TCF12: variants seen among roughly 807,000 people sequenced by gnomAD.
The protein encoded by TCF12 is DNA-binding protein HTF4.
TCF12 carries 45 observed loss-of-function variants against 86.0 expected under a neutral mutation model. The observed-to-expected ratio is 0.52, with a 90% CI of 0.41 to 0.67. The LOEUF is 0.67. Among genes scored for constraint, TCF12 ranks in the 30% least tolerant of loss-of-function variants. The probability of loss-of-function intolerance (pLI) is 0.00; values close to 1 mark genes in which losing one functional copy is unlikely to be tolerated. For synonymous variants in TCF12, 330 were observed against 299.6 expected, an observed-to-expected ratio of 1.10 and a Z score of -1.05; for missense variants, 881 against 859.9, an observed-to-expected ratio of 1.02 and a Z score of -0.31.
chr15:57,135,037 T>C (rs548708040), intron 5 of TCF12, among the ~76,000 whole-genome samples: 1 of 152,308 alleles, frequency 6.6e-6, no homozygotes, highest in South Asian at 2.1e-4. Flanking sequence ...GTGCTGATTA[T>C]AACAAGTTTA....
In TCF12 at chr15:57,282,498, G is replaced by A; in HGVS notation, c.2032G>A (p.Val678Ile). Reference protein sequence around the residue: ...ACLKRREEEKVSAVSAEPPTT... With the variant: ...ACLKRREEEKISAVSAEPPTT... ...CCTTAAGAGAAGGGAAGAAGAAAAA[G>A]TTTCTGCCGTATCGGCAGAGCCGCC... Residue 678 changes from valine (V) to isoleucine (I), a missense_variant, in exon 20 of 21, where the codon GTT becomes ATT. Coordinates refer to ENST00000333725, the MANE Select transcript of TCF12 (RefSeq NM_207037.2). The A allele has an allele frequency of 1.2e-6, 2 of 1,614,206 alleles. No homozygotes were observed. Among genetic ancestry groups the A allele is most frequent in the Non-Finnish European group, 1.7e-6 (2 of 1,180,034 alleles).
At chr15:57,040,433 C>G (rs1195633448) in intron 3 of TCF12, among the ~76,000 whole-genome samples, 3 of 152,206 alleles carry the variant, frequency 2.0e-5, no homozygotes, top group African/African-American at 7.2e-5. Context: ...CATAACCTGA[C>G]TGAAATGTCA....
At chr15:57,166,531 A>G in intron 6 of TCF12, 65 bp downstream of exon 6, 1 of 1,335,124 alleles carries the variant, frequency 7.5e-7, no homozygotes, top group South Asian at 1.3e-5. Flanking sequence ...GGCTCTATTA[A>G]TAGATGAGAT....
intron 3 of TCF12, among the ~76,000 whole-genome samples, chr15:57,062,097 C>T (rs1298546491): frequency 3.9e-5 from 6 of 152,074 alleles, no homozygotes; most frequent in South Asian, 2.1e-4. Context: ...GCTGGGACTA[C>T]AGGCGCCCGC....
chr15:57,234,220 C>A, intron 12 of TCF12, 113 bp downstream of exon 12: 1 of 812,346 alleles, frequency 1.2e-6, no homozygotes. Flanking sequence ...AGATCAATTT[C>A]ATTACACATT....
chr15:57,061,867 C>T (rs1444347001), intron 3 of TCF12, among the ~76,000 whole-genome samples: 1 of 152,074 alleles, frequency 6.6e-6, no homozygotes, highest in East Asian at 1.9e-4. Flanking sequence ...CAGAGGAATA[C>T]TTGCTGCTAT....
At chr15:57,278,943 T>TTCC (rs1491145409) in intron 19 of TCF12, among the ~76,000 whole-genome samples, 2,501 of 15,096 alleles carry the variant, frequency 0.17, 80 homozygotes, top group African/African-American at 0.28. Flanking sequence ...CCTTCCTTCC[T>TTCC]TTTTTTTTTT....
chr15:57,159,357 A>G lies in TCF12; in HGVS notation c.326-7045A>G, dbSNP rs539759667. Among the ~76,000 whole-genome samples, 33 of 152,284 alleles carry G rather than the reference A, an allele frequency of 2.2e-4. No homozygotes were observed. The South Asian group carries it at 6.6e-3, about 31-fold the overall frequency. On this transcript the variant is annotated intron_variant, in intron 5 of 20. Transcript: ENST00000333725. ...AAGTTAGCATTTTGTGTTTCTCCAG[A>G]TGGTTAGTATGATTCAAATTGTATG...
chr15:57,050,106 C>G (rs1370288109), intron 3 of TCF12, among the ~76,000 whole-genome samples: 1 of 152,140 alleles, frequency 6.6e-6, no homozygotes, highest in East Asian at 1.9e-4. Flanking sequence ...AAGTATTATT[C>G]TGTATACCTC....
At chr15:57,100,608 A>G (rs1046997523) in intron 5 of TCF12, among the ~76,000 whole-genome samples, 7 of 152,066 alleles carry the variant, frequency 4.6e-5, no homozygotes, top group African/African-American at 1.4e-4. Context: ...TCATTTAATA[A>G]AGGCTTTCAG....
chr15:57,229,026 C>T (rs765092362), intron 8 of TCF12, among the ~76,000 whole-genome samples: 20 of 151,818 alleles, frequency 1.3e-4, no homozygotes, highest in Non-Finnish European at 2.8e-4. Flanking sequence ...AGCATGTGTT[C>T]GGGTGCTGTC....
At chr15:57,201,109 A>C (rs572487094) in intron 8 of TCF12, among the ~76,000 whole-genome samples, 2 of 152,210 alleles carry the variant, frequency 1.3e-5, no homozygotes, top group African/African-American at 4.8e-5. Flanking sequence ...AAAGCACATG[A>C]GATTCTCCAC....
Position 57,026,556 on chromosome 15 carries a change from T to C in TCF12, c.149-37194T>C, listed in dbSNP as rs548302115. Among the ~76,000 whole-genome samples, 3 of 152,342 alleles carry C rather than the reference T, an allele frequency of 2.0e-5. No individual in the cohort carries two copies. In the East Asian group the frequency reaches 5.8e-4, roughly 29 times the overall value. ...AAATTTTCTGATTTAGTCGTTAATA[T>C]TTACAGTTTAAGGGAAAAACATTCA... On this transcript the variant is annotated intron_variant, in intron 3 of 20. Coordinates refer to ENST00000333725, the MANE Select transcript of TCF12 (RefSeq NM_207037.2).
intron 3 of TCF12, among the ~76,000 whole-genome samples, chr15:56,936,506 T>C (rs1313233973): frequency 1.3e-5 from 2 of 152,148 alleles, no homozygotes; most frequent in Non-Finnish European, 2.9e-5. Flanking sequence ...TCTTTATCTT[T>C]GTTTTTGTCA....
intron 5 of TCF12, among the ~76,000 whole-genome samples, chr15:57,123,982 A>AAAAAAAAAAAAAAAAT (rs1555511574): frequency 1.4e-4 from 16 of 111,256 alleles, no homozygotes; most frequent in African/African-American, 3.3e-4. Flanking sequence ...AAAAAAAAAA[A>AAAAAAAAAAAAAAAAT]TTTTTTTTTT....
intron 6 of TCF12, among the ~76,000 whole-genome samples, chr15:57,179,522 T>A (rs1161328917): frequency 6.6e-6 from 1 of 151,850 alleles, no homozygotes; most frequent in Non-Finnish European, 1.5e-5. Context: ...ACAGCAAGAC[T>A]CCATCTCAAA....
At position 57,232,386 on chromosome 15, in the gene TCF12, T is replaced by A; in HGVS notation, c.781T>A (p.Ser261Thr). ...GILGTSTSHM[S>T]QSSSYGNLHS... ...TCTGGGGACCTCCACTTCCCACATG[T>A]CTCAATCCAGTAGTTATGGCAACCT... Residue 261 changes from serine to threonine, a missense_variant, in exon 10 of 21, where the codon TCT (serine) becomes ACT (threonine). By Grantham distance (58) the Ser-to-Thr change is moderately conservative (BLOSUM62 1). Around this residue, in one of 3 missense-constraint regions of TCF12, gnomAD observed 766 missense variants for 718.9 expected, o/e 1.07. Coordinates refer to ENST00000333725, the MANE Select transcript of TCF12 (RefSeq NM_207037.2). 1.2e-6 allele frequency: 2 copies of A among 1,612,918 alleles called. No individual in the cohort carries two copies. Among genetic ancestry groups the A allele is most frequent in the Non-Finnish European group, 8.5e-7 (1 of 1,179,656 alleles).
At chr15:57,271,559 C>A (rs1410844061) in intron 18 of TCF12, among the ~76,000 whole-genome samples, 1 of 152,158 alleles carries the variant, frequency 6.6e-6, no homozygotes, top group Non-Finnish European at 1.5e-5. Flanking sequence ...TGAGGCAATG[C>A]CCCACCCTGA....
At chr15:56,970,565 T>C (rs925094794) in intron 3 of TCF12, among the ~76,000 whole-genome samples, 2 of 149,876 alleles carry the variant, frequency 1.3e-5, no homozygotes, top group Admixed American at 1.3e-4. Context: ...TGTAAAAGAA[T>C]GAAACTACAA....
Sources: gnomAD v4.1 joint callset for allele counts (sites outside exome capture counted in the v4.1 genomes callset) on GRCh38, gnomAD v4.1.1 for gene constraint, gnomAD v4.1.1 regional missense constraint, MANE v1.5 for transcripts, NCBI Gene and HGNC (gene_info 2026-07-23, HGNC 2026-07-21) for gene names.